Variants in C8A observed in about 807,000 individuals in gnomAD.
The protein encoded by C8A is complement C8 alpha chain.
Under a neutral mutation model 65.3 loss-of-function variants are expected in C8A, and 67 were observed. That is an observed-to-expected ratio of 1.03 (90% confidence interval 0.84 to 1.26). The LOEUF (loss-of-function observed/expected upper bound fraction) is 1.26. C8A is among the 50% of genes most tolerant of loss of function. The probability of loss-of-function intolerance (pLI) is 0.00; values close to 1 mark genes in which losing one functional copy is unlikely to be tolerated. For missense variants in C8A, 781 were observed against 723.9 expected, an observed-to-expected ratio of 1.08 and a Z score of -0.90; for synonymous variants, 290 against 259.4, an observed-to-expected ratio of 1.12 and a Z score of -1.13.
At chr1:56,867,564 A>C in intron 1 of C8A, 45 bp from the exon 2 acceptor site, 3 of 1,424,652 alleles carry the variant, frequency 2.1e-6, no homozygotes. Flanking sequence ...CATTTGCTTA[A>C]ATTTTGCATC....
chr1:56,911,621 A>G (rs369905532), intron 9 of C8A, among the ~76,000 whole-genome samples: 1 of 152,220 alleles, frequency 6.6e-6, no homozygotes, highest in East Asian at 1.9e-4. Context: ...ACTCTGCTAA[A>G]CAGCCTACAA....
intron 7 of C8A, among the ~76,000 whole-genome samples, chr1:56,903,139 A>G (rs1570348571): frequency 6.6e-6 from 1 of 152,100 alleles, no homozygotes; most frequent in African/African-American, 2.4e-5. Flanking sequence ...TCATTTTGCT[A>G]TGCTTGGTGA....
At chr1:56,885,058 T>C (rs2101241835) in intron 6 of C8A, among the ~76,000 whole-genome samples, 1 of 131,328 alleles carries the variant, frequency 7.6e-6, no homozygotes, top group Middle Eastern at 4.3e-3. Flanking sequence ...TGGGAATAGA[T>C]TGGGAGAAGA....
At chr1:56,883,430 G>A (rs752908042) in intron 5 of C8A, 51 bp from the exon 6 acceptor site, 5 of 1,465,642 alleles carry the variant, frequency 3.4e-6, no homozygotes, top group Non-Finnish European at 3.8e-6. Context: ...AATATGAATT[G>A]AGAAATGGCT....
At chr1:56,897,035 A>G (rs1441888686) in intron 7 of C8A, among the ~76,000 whole-genome samples, 1 of 152,180 alleles carries the variant, frequency 6.6e-6, no homozygotes, top group Non-Finnish European at 1.5e-5. Flanking sequence ...GAGGTTTGAA[A>G]CCAGCTTTCT....
intron 7 of C8A, among the ~76,000 whole-genome samples, chr1:56,900,416 G>C (rs6661831): frequency 6.6e-6 from 1 of 152,114 alleles, no homozygotes; most frequent in Non-Finnish European, 1.5e-5. Context: ...TATCATTCCC[G>C]TTTTAAAGAT....
intron 4 of C8A, among the ~76,000 whole-genome samples, chr1:56,877,987 C>G (rs977193159): frequency 6.6e-6 from 1 of 152,170 alleles, no homozygotes; most frequent in Admixed American, 6.5e-5. Context: ...ACACCACATC[C>G]TGAGTGGCTT....
At chr1:56,906,625 T>C (rs1272390138) in intron 7 of C8A, 42 bp from the exon 8 acceptor site, 1 of 1,612,934 alleles carries the variant, frequency 6.2e-7, no homozygotes, top group African/African-American at 1.3e-5. Context: ...AAGTGTCTTT[T>C]AATAACTCAG....
At chr1:56,877,424 A>G (rs971818435) in intron 4 of C8A, among the ~76,000 whole-genome samples, 4 of 152,004 alleles carry the variant, frequency 2.6e-5, no homozygotes, top group East Asian at 1.9e-4. Context: ...CTCTTACCCA[A>G]TAGGCTGGGG....
chr1:56,894,959 CG>C (rs1192289376), intron 7 of C8A, among the ~76,000 whole-genome samples: 1 of 151,888 alleles, frequency 6.6e-6, no homozygotes, highest in East Asian at 1.9e-4. Context: ...AATGTTTTTG[CG>C]TATAATAACA....
At chr1:56,909,566 AGG>A (rs1345498744) in intron 9 of C8A, among the ~76,000 whole-genome samples, 2 of 152,236 alleles carry the variant, frequency 1.3e-5, no homozygotes, top group Non-Finnish European at 2.9e-5. Flanking sequence ...CATAGGCAAG[AGG>A]TGAACTTGGT....
intron 7 of C8A, among the ~76,000 whole-genome samples, 181 bp downstream of exon 7, chr1:56,886,348 C>T (rs569989828): frequency 1.3e-5 from 2 of 152,294 alleles, no homozygotes; most frequent in South Asian, 2.1e-4. Flanking sequence ...GTGAGACTTG[C>T]TAATAAGTAC....
chr1:56,910,793 A>G (rs1644498936), intron 9 of C8A, among the ~76,000 whole-genome samples: 2 of 152,170 alleles, frequency 1.3e-5, no homozygotes, highest in South Asian at 4.1e-4. Context: ...AACTCAGACA[A>G]AGCTATTGCC....
rs770503784 is a variant in C8A at position 56,883,673 on chromosome 1, A to T, written c.847A>T (p.Asn283Tyr). Residue 283 changes from asparagine to tyrosine, a missense_variant, in exon 6 of 11, where the codon AAT (asparagine) becomes TAT (tyrosine). Physicochemically the swap from Asn to Tyr is moderately radical, Grantham distance 143. Coordinates refer to ENST00000361249, the MANE Select transcript of C8A (RefSeq NM_000562.3). Reference sequence around the variant, plus strand: ...ATTCTTGAACGAATTAAACAAGTATAATGAGAAGGTATTCAAACATAATGT... The same window carrying T: ...ATTCTTGAACGAATTAAACAAGTATTATGAGAAGGTATTCAAACATAATGT... ...TSFLNELNKY[N>Y]EKKFIFTRIF... 4 of 1,612,674 alleles carry T rather than the reference A, an allele frequency of 2.5e-6. No individual in the cohort carries two copies. The highest frequency in any genetic ancestry group is 3.4e-6 in the Non-Finnish European group (4 of 1,179,024).
chr1:56,867,763 A>G, intron 2 of C8A, 61 bp downstream of exon 2: 1 of 1,237,944 alleles, frequency 8.1e-7, no homozygotes, highest in Non-Finnish European at 1.2e-6. Flanking sequence ...TAGGCATTCA[A>G]ATGGAGATTA....
chr1:56,871,877 T>A (rs577192338), intron 2 of C8A, among the ~76,000 whole-genome samples: 42 of 152,322 alleles, frequency 2.8e-4, no homozygotes, highest in African/African-American at 8.7e-4. Context: ...TGATTTCGAA[T>A]AACATTATGT....
At chr1:56,905,945 A>G (rs983703959) in intron 7 of C8A, among the ~76,000 whole-genome samples, 1 of 152,196 alleles carries the variant, frequency 6.6e-6, no homozygotes, top group Non-Finnish European at 1.5e-5. Context: ...TATTTTCCTC[A>G]TCTACAAAAT....
chr1:56,876,033 G>A (rs375887308), intron 3 of C8A, 29 bp from the exon 4 acceptor site: 62 of 1,610,356 alleles, frequency 3.9e-5, no homozygotes, highest in Middle Eastern at 1.8e-4. Context: ...AGGGGAACCC[G>A]AGGAGCAGCC....
At chr1:56,876,363 G>A (rs1644199167) in intron 4 of C8A, among the ~76,000 whole-genome samples, 154 bp downstream of exon 4, 1 of 151,762 alleles carries the variant, frequency 6.6e-6, no homozygotes, top group Admixed American at 6.6e-5. Context: ...GGCTTGTCCA[G>A]TCCTGCCTAT....
Sources: allele counts gnomAD v4.1 joint callset (sites outside exome capture counted in the v4.1 genomes callset), GRCh38; gene constraint gnomAD v4.1.1; transcripts MANE v1.5; gene names NCBI Gene and HGNC (gene_info 2026-07-23, HGNC 2026-07-21).